Variants in PDE4D observed in about 807,000 individuals in gnomAD.
The protein encoded by PDE4D is 3',5'-cyclic-AMP phosphodiesterase 4D.
Under a neutral mutation model 87.4 loss-of-function variants are expected in PDE4D, and 24 were observed. That is an observed-to-expected ratio of 0.27 (90% confidence interval 0.20 to 0.39). The LOEUF (loss-of-function observed/expected upper bound fraction) is 0.39. Ranked by LOEUF, PDE4D falls within the 10% of genes least tolerant of loss-of-function variation. PDE4D has a pLI of 1.00. For synonymous variants in PDE4D, 384 were observed against 383.2 expected (o/e 1.00, Z -0.02); for missense variants, 714 against 1,041.0 (o/e 0.69, Z 4.32).
At chr5:59,992,589 G>C (rs1763129297) in intron 2 of PDE4D, among the ~76,000 whole-genome samples, 1 of 152,142 alleles carries the variant, frequency 6.6e-6, no homozygotes, top group African/African-American at 2.4e-5. Flanking sequence ...CTTTTTATAA[G>C]CATTTAGCTG....
At chr5:59,963,805 T>C (rs1154790) in intron 3 of PDE4D, among the ~76,000 whole-genome samples, 51,126 of 151,928 alleles carry the variant, frequency 0.34, 9,231 homozygotes, top group African/African-American at 0.44. Flanking sequence ...GGATGGCTTG[T>C]TTCCTGCCTT....
At chr5:60,334,676 G>A (rs1181439671) in intron 1 of PDE4D, among the ~76,000 whole-genome samples, 1 of 151,810 alleles carries the variant, frequency 6.6e-6, no homozygotes, top group Admixed American at 6.6e-5. Context: ...CACTGCCCCC[G>A]AGAGCTGCTG....
chr5:60,387,027 A>T (rs1245033307), intron 1 of PDE4D, among the ~76,000 whole-genome samples: 1 of 152,234 alleles, frequency 6.6e-6, no homozygotes, highest in Admixed American at 6.5e-5. Flanking sequence ...AAAGAAAAAT[A>T]ACCACAGTGG....
At chr5:58,986,838 A>G (rs1216238403) in intron 11 of PDE4D, among the ~76,000 whole-genome samples, 2 of 152,096 alleles carry the variant, frequency 1.3e-5, no homozygotes, top group Non-Finnish European at 2.9e-5. Flanking sequence ...GAAGACAGTG[A>G]CCTTTCTATC....
chr5:60,494,515 C>T (rs546472219), intron 1 of PDE4D, among the ~76,000 whole-genome samples: 4 of 152,268 alleles, frequency 2.6e-5, no homozygotes, highest in East Asian at 1.9e-4. Flanking sequence ...GGACAGCCCT[C>T]GGAACTGTGA....
rs149880417 is a variant in PDE4D at position 59,218,072 on chromosome 5, C to T, written c.456-2104G>A. 1.5e-3 allele frequency: 643 copies of T among 417,784 alleles called. 4 individuals carry two copies. The highest frequency in any genetic ancestry group is 5.0e-3 in the South Asian group (283 of 56,584). The allele number at this position is 417,784 out of a possible 1,614,324, so 25.9% of individuals were successfully genotyped here. A position where few individuals can be genotyped will look rare whatever the true frequency, so the allele number is the denominator to read the frequency against. On this transcript the variant is annotated intron_variant, in intron 1 of 14. Transcript: ENST00000340635. ...AGGTATTTAGTACACAACTGGAAGA[C>T]ATTAAAAACTTCTAAATAGTGGGGG...
At chr5:59,076,996 A>G (rs1422067872) in intron 5 of PDE4D, among the ~76,000 whole-genome samples, 1 of 152,182 alleles carries the variant, frequency 6.6e-6, no homozygotes, top group African/African-American at 2.4e-5. Flanking sequence ...TCTACTAAAT[A>G]AGTTTCTTTG....
chr5:60,072,041 T>C (rs1772779685), intron 2 of PDE4D, among the ~76,000 whole-genome samples: 2 of 152,192 alleles, frequency 1.3e-5, no homozygotes, highest in Admixed American at 1.3e-4. Flanking sequence ...CATCCAGTAA[T>C]GGGACTGCTG....
rs371905876 is a variant in PDE4D at position 59,832,674 on chromosome 5, T to C, written c.455+60494A>G. ...GAGATCTCAAAAGCCTAAACATTTA[T>C]GTAAAGGCAACTTCTAATCTCATTT... On this transcript the variant is annotated intron_variant, in intron 1 of 14. Coordinates refer to ENST00000340635, the MANE Select transcript of PDE4D (RefSeq NM_001104631.2). 7.9e-5 allele frequency among the ~76,000 whole-genome samples: 12 copies of C among 152,174 alleles called. No homozygotes were observed. The East Asian group carries it at 2.1e-3, about 27-fold the overall frequency.
At chr5:60,334,042 A>G (rs1189035034) in intron 1 of PDE4D, among the ~76,000 whole-genome samples, 1 of 152,200 alleles carries the variant, frequency 6.6e-6, no homozygotes, top group African/African-American at 2.4e-5. Context: ...ATCAATCAAC[A>G]CACAGCTTTG....
chr5:60,022,992 C>T (rs953766011), intron 2 of PDE4D, among the ~76,000 whole-genome samples: 4 of 152,130 alleles, frequency 2.6e-5, no homozygotes, highest in African/African-American at 9.7e-5. Context: ...GTCACCAGCT[C>T]GGGACATTAA....
chr5:59,451,670 A>C lies in PDE4D; in HGVS notation c.456-235702T>G, dbSNP rs113181452. On this transcript the variant is annotated intron_variant, in intron 1 of 14. Transcript: ENST00000340635. The stretch of plus-strand genomic sequence containing the variant: ...CATGCAGACTCCACCTCCTACCTCT[A>C]TCTCTCAGATAAGCTCACTTTCCTC... Among the ~76,000 whole-genome samples the C allele has an allele frequency of 7.9e-5, 12 of 152,188 alleles. 2 individuals carry two copies. The highest frequency in any genetic ancestry group is 2.6e-4 in the African/African-American group (11 of 41,514).
At chr5:60,516,558 G>T (rs1225100900) in intron 1 of PDE4D, among the ~76,000 whole-genome samples, 1 of 152,200 alleles carries the variant, frequency 6.6e-6, no homozygotes, top group Non-Finnish European at 1.5e-5. Context: ...GAGAGGTGAG[G>T]AGAGCCACTT....
At chr5:59,333,244 C>G (rs1194881033) in intron 1 of PDE4D, among the ~76,000 whole-genome samples, 2 of 152,122 alleles carry the variant, frequency 1.3e-5, no homozygotes, top group East Asian at 3.9e-4. Context: ...AATCACTCAC[C>G]ACTAAGGGGA....
At chr5:59,733,270 G>C (rs1757634243) in intron 1 of PDE4D, among the ~76,000 whole-genome samples, 1 of 152,106 alleles carries the variant, frequency 6.6e-6, no homozygotes, top group Non-Finnish European at 1.5e-5. Context: ...CAAGGGCAAT[G>C]AAAGTTCAGA....
intron 6 of PDE4D, among the ~76,000 whole-genome samples, chr5:59,018,325 A>ATTC (rs1239237046): frequency 6.6e-6 from 1 of 152,240 alleles, no homozygotes; most frequent in Non-Finnish European, 1.5e-5. Flanking sequence ...AGACAGGAAT[A>ATTC]CTACCACTCT....
At chr5:60,056,497 G>T (rs1190386830) in intron 2 of PDE4D, among the ~76,000 whole-genome samples, 1 of 152,174 alleles carries the variant, frequency 6.6e-6, no homozygotes, top group Non-Finnish European at 1.5e-5. Flanking sequence ...GTGGAAGAGA[G>T]ACAGCAGAGG....
At chr5:60,111,921 T>G (rs940735626) in intron 2 of PDE4D, among the ~76,000 whole-genome samples, 11 of 152,078 alleles carry the variant, frequency 7.2e-5, no homozygotes, top group Admixed American at 7.2e-4. Flanking sequence ...TTGCCAAACA[T>G]CTAGATTTAA....
At chr5:59,687,773 C>G (rs561347763) in intron 1 of PDE4D, among the ~76,000 whole-genome samples, 1 of 152,214 alleles carries the variant, frequency 6.6e-6, no homozygotes, top group African/African-American at 2.4e-5. Context: ...TGCTAACTGG[C>G]AAATTGGATA....
Sources: gnomAD v4.1 joint callset for allele counts (sites outside exome capture counted in the v4.1 genomes callset) on GRCh38, gnomAD v4.1.1 for gene constraint, MANE v1.5 for transcripts, NCBI Gene and HGNC (gene_info 2026-07-23, HGNC 2026-07-21) for gene names.